Variants in DOP1B observed in about 807,000 individuals in gnomAD.
The protein encoded by DOP1B is protein DOP1B.
DOP1B carries 174 observed loss-of-function variants against 233.5 expected under a neutral mutation model. The observed-to-expected ratio is 0.75, with a 90% CI of 0.66 to 0.85. The LOEUF (loss-of-function observed/expected upper bound fraction) is 0.85, where lower values mean the gene tolerates loss of function less well. Among genes scored for constraint, DOP1B ranks in the 40% least tolerant of loss-of-function variants. The probability of loss-of-function intolerance (pLI) is 0.00; values close to 1 mark genes in which losing one functional copy is unlikely to be tolerated. For missense variants in DOP1B, 2,652 were observed against 2,846.6 expected, an observed-to-expected ratio of 0.93 and a Z score of 1.56; for synonymous variants, 1,190 against 1,185.6, an observed-to-expected ratio of 1.00 and a Z score of -0.08.
Position 36,173,867 on chromosome 21 carries a change from TAA to T in DOP1B, c.138+9009_138+9010del, listed in dbSNP as rs34655762. On this transcript the variant is annotated intron_variant, in intron 2 of 36. Transcript: ENST00000691173. Reference sequence around the variant, plus strand: ...TAAAAATCTTATCATTAAAGCTCTTTAAAAAAAAAAAAAAGTTATAATGGTCC... The same window carrying T: ...TAAAAATCTTATCATTAAAGCTCTTTAAAAAAAAAAAAGTTATAATGGTCC... Among the ~76,000 whole-genome samples, 245 of 147,512 alleles carry T rather than the reference TAA, an allele frequency of 1.7e-3. 1 individual carries two copies. The highest frequency in any genetic ancestry group is 0.012 in the South Asian group (58 of 4,656).
intron 15 of DOP1B, among the ~76,000 whole-genome samples, chr21:36,233,776 G>A (rs946861177): frequency 1.6e-4 from 24 of 152,216 alleles, no homozygotes; most frequent in African/African-American, 5.5e-4. Context: ...TCCTCACACC[G>A]CTCAGCTTTG....
chr21:36,285,424 ATAC>A (rs1208632882), intron 32 of DOP1B, among the ~76,000 whole-genome samples: 3 of 151,606 alleles, frequency 2.0e-5, no homozygotes, highest in East Asian at 3.8e-4. Context: ...ATTTCTAAAA[ATAC>A]TACGTGTTTT....
intron 2 of DOP1B, among the ~76,000 whole-genome samples, chr21:36,167,528 C>A (rs2065924194): frequency 6.6e-6 from 1 of 152,124 alleles, no homozygotes; most frequent in African/African-American, 2.4e-5. Flanking sequence ...TCTGTTTTTT[C>A]TTTTTCTTTA....
At chr21:36,273,769 G>A (rs1331441885) in intron 27 of DOP1B, among the ~76,000 whole-genome samples, 3 of 152,008 alleles carry the variant, frequency 2.0e-5, no homozygotes, top group African/African-American at 4.8e-5. Context: ...GATGGTTGTC[G>A]GGCTTGGTAG....
intron 4 of DOP1B, among the ~76,000 whole-genome samples, chr21:36,206,213 T>A (rs1414104909): frequency 6.6e-6 from 1 of 151,924 alleles, no homozygotes; most frequent in Non-Finnish European, 1.5e-5. Flanking sequence ...TATGCATCCA[T>A]TTTTTTTAGA....
chr21:36,280,799 C>T (rs553458880), intron 31 of DOP1B, among the ~76,000 whole-genome samples: 5 of 151,274 alleles, frequency 3.3e-5, no homozygotes, highest in Non-Finnish European at 7.4e-5. Flanking sequence ...GTCAGGAGAT[C>T]GAGACCATCC....
rs752653049 is a variant in DOP1B, at chr21:36,253,873, G to C, written c.5223G>C (p.Val1741=). Residue 1741 remains valine, a synonymous_variant, in exon 23 of 37, where the codon GTG becomes GTC. Transcript: ENST00000691173. ...CGCTGCTGCACCTGGTGAAGGAGGTGGTGAAGAGGCCACCCCAAGTCAAAG... is the reference window on the plus strand; with the variant it reads ...CGCTGCTGCACCTGGTGAAGGAGGTCGTGAAGAGGCCACCCCAAGTCAAAG... ...TDTLLHLVKE[V]VKRPPQVKGG... is the part of the protein sequence containing the mutation. The C allele has an allele frequency of 3.7e-6, 6 of 1,614,016 alleles. No individual in the cohort carries two copies. The highest frequency in any genetic ancestry group is 1.7e-5 in the Admixed American group (1 of 59,952).
rs1297530092 is a variant in DOP1B, at chr21:36,250,805, C to T, written c.4999-357C>T. The stretch of plus-strand genomic sequence containing the variant: ...TCCAGATGGAAGCAGTGCTGCAAAG[C>T]CTTGCCCGGCTTCCTGCAAGACCCC... On this transcript the variant is annotated intron_variant, in intron 21 of 36. Coordinates refer to ENST00000691173, the MANE Select transcript of DOP1B (RefSeq NM_001320714.2). Among the ~76,000 whole-genome samples, 6 of 152,328 alleles carry T rather than the reference C, an allele frequency of 3.9e-5. No homozygotes were observed. In the East Asian group the frequency reaches 1.2e-3, roughly 29 times the overall value.
chr21:36,164,894 G>A (rs1420011853), intron 2 of DOP1B, 23 bp downstream of exon 2: 2 of 1,495,736 alleles, frequency 1.3e-6, no homozygotes, highest in Non-Finnish European at 1.8e-6. Context: ...TATCCTATTT[G>A]GATTGCATGG....
chr21:36,234,624 T>C (rs980081107), intron 15 of DOP1B, among the ~76,000 whole-genome samples: 2 of 152,044 alleles, frequency 1.3e-5, no homozygotes, highest in Non-Finnish European at 2.9e-5. Flanking sequence ...GATCTTGGCC[T>C]CTGCCTCCTG....
chr21:36,261,685 GT>G, intron 24 of DOP1B: 1 of 973,866 alleles, frequency 1.0e-6, no homozygotes, highest in Non-Finnish European at 1.2e-6. Context: ...GAGTGGGTGA[GT>G]CACTTGAGGC....
chr21:36,201,345 C>CATTTTTT (rs2066363595), intron 4 of DOP1B, among the ~76,000 whole-genome samples: 1 of 83,290 alleles, frequency 1.2e-5, no homozygotes, highest in Non-Finnish European at 2.2e-5. Context: ...CTATTGGATT[C>CATTTTTT]TTTTTTTTTT....
At chr21:36,286,674 A>G (rs12329754) in intron 32 of DOP1B, among the ~76,000 whole-genome samples, 33,490 of 145,628 alleles carry the variant, frequency 0.23, 4,108 homozygotes, top group Middle Eastern at 0.32. Context: ...ACACACACAC[A>G]AAACTGACTG....
chr21:36,174,902 T>G (rs1355479432), intron 2 of DOP1B, among the ~76,000 whole-genome samples: 1 of 152,212 alleles, frequency 6.6e-6, no homozygotes, highest in African/African-American at 2.4e-5. Context: ...GTTAGTCTGC[T>G]AGGGCTGCCA....
intron 2 of DOP1B, among the ~76,000 whole-genome samples, chr21:36,166,754 A>T (rs1397895948): frequency 6.6e-6 from 1 of 152,138 alleles, no homozygotes; most frequent in East Asian, 1.9e-4. Flanking sequence ...GGCCAAACAC[A>T]CCAGGGGAAC....
At chr21:36,211,730 A>T (rs2066500760) in intron 6 of DOP1B, 79 bp downstream of exon 6, 5 of 1,468,144 alleles carry the variant, frequency 3.4e-6, no homozygotes, top group Non-Finnish European at 4.7e-6. Flanking sequence ...GTTCTGTCGT[A>T]CGAGGACAGC....
At chr21:36,160,923 C>T (rs1601368217) in intron 1 of DOP1B, among the ~76,000 whole-genome samples, 2 of 152,334 alleles carry the variant, frequency 1.3e-5, no homozygotes, top group Non-Finnish European at 1.5e-5. Flanking sequence ...ATGCAGGCAA[C>T]AGGCAGCCCA....
rs1349120980 is a variant in DOP1B, at chr21:36,227,890, A to T, written c.1665+13A>T. 7.0e-6 allele frequency: 11 copies of T among 1,564,436 alleles called. No homozygotes were observed. The highest frequency in any genetic ancestry group is 1.9e-4 in the Middle Eastern group (1 of 5,264). ...CAGCGGAACCTCGGTGTGTACTCTGAGGGGCAGAAATGGTTCTGGGGGCTA... is the reference window on the plus strand; with the variant it reads ...CAGCGGAACCTCGGTGTGTACTCTGTGGGGCAGAAATGGTTCTGGGGGCTA... On this transcript the variant is annotated intron_variant, in intron 13 of 36. Transcript: ENST00000691173.
At chr21:36,264,808 C>T (rs1175545400) in intron 26 of DOP1B, among the ~76,000 whole-genome samples, 1 of 151,974 alleles carries the variant, frequency 6.6e-6, no homozygotes, top group African/African-American at 2.4e-5. Context: ...ACGCCTTATC[C>T]CCCATTATAA....
Sources: allele counts gnomAD v4.1 joint callset (sites outside exome capture counted in the v4.1 genomes callset), GRCh38; gene constraint gnomAD v4.1.1; transcripts MANE v1.5; gene names NCBI Gene and HGNC (gene_info 2026-07-23, HGNC 2026-07-21).